Variants in TJAP1 observed in about 807,000 individuals in gnomAD.
TJAP1 encodes the protein tight junction associated protein 1.
Under a neutral mutation model 42.0 loss-of-function variants are expected in TJAP1, and 27 were observed. The ratio of observed to expected loss-of-function variants is 0.64; its 90% CI spans 0.47 to 0.89. TJAP1 has a LOEUF of 0.89. TJAP1 is among the 40% of genes least tolerant of loss of function. The pLI is 0.00. For missense variants in TJAP1, 712 were observed against 726.9 expected (o/e 0.98, Z 0.24); for synonymous variants, 257 against 288.4 (o/e 0.89, Z 1.10).
chr6:43,489,956 G>A (rs1240105576), intron 2 of TJAP1, among the ~76,000 whole-genome samples: 3 of 152,212 alleles, frequency 2.0e-5, no homozygotes, highest in South Asian at 2.1e-4. Context: ...TGCCTGGAGG[G>A]CATCTGCCAT....
chr6:43,478,955 C>A lies in TJAP1; in HGVS notation c.-122+723C>A, dbSNP rs550271276. On this transcript the variant is annotated intron_variant, in intron 2 of 10. Coordinates refer to ENST00000372449, the Ensembl canonical transcript of TJAP1. The stretch of plus-strand genomic sequence containing the variant: ...AAGTGTGGTGATGCAAAGAAAGGAT[C>A]ATGGAACTTGCTCTTTTCTTTTCTG... 1.6e-3 allele frequency among the ~76,000 whole-genome samples: 238 copies of A among 152,336 alleles called. 1 individual carries two copies. The South Asian group carries it at 0.023, about 15-fold the overall frequency.
At position 43,505,768 on chromosome 6, in the gene TJAP1, G is replaced by T; in HGVS notation, c.1587G>T (p.Gln529His). The change falls in exon 11 of 11, where the codon CAG (glutamine) becomes CAT (histidine). Residue 529 changes from glutamine to histidine, a missense_variant. Coordinates refer to ENST00000372449, the Ensembl canonical transcript of TJAP1. The surrounding 1 kb of genome is among the most constrained non-coding windows in gnomAD (Gnocchi z 5.5). ...CACTCCCCAGCTCCAGTCGCCCCCAGCGCAGCCCCAAGAGGATGGGGGTTC... is the reference window on the plus strand; with the variant it reads ...CACTCCCCAGCTCCAGTCGCCCCCATCGCAGCCCCAAGAGGATGGGGGTTC... The T allele has an allele frequency of 6.6e-7, 1 of 1,516,196 alleles. No homozygotes were observed. Among genetic ancestry groups the T allele is most frequent in the South Asian group, 1.3e-5 (1 of 75,544 alleles). 93.9% of individuals were successfully genotyped at this position (1,516,196 alleles called of 1,614,324 possible). A position where few individuals can be genotyped will look rare whatever the true frequency, so the allele number is the denominator to read the frequency against.
Position 43,502,629 on chromosome 6 carries a change from G to A in TJAP1, c.387+12G>A. ...GCTGGATTTTTGCAGTTGCGTCTGA[G>A]TTTGTGTGTCTTCTCCCTTGCCCTG... On this transcript the variant is annotated intron_variant, in intron 8 of 10. Transcript: ENST00000372449. 1 of 1,551,788 alleles carries A rather than the reference G, an allele frequency of 6.4e-7. No individual in the cohort carries two copies. The highest frequency in any genetic ancestry group is 1.7e-4 in the Middle Eastern group (1 of 5,992).
At chr6:43,504,304 A>G (rs1046138691) in intron 10 of TJAP1, 7 of 226,824 alleles carry the variant, frequency 3.1e-5, no homozygotes, top group Non-Finnish European at 5.3e-5. Flanking sequence ...TTTAGTAGAG[A>G]TGGGGTTTCA....
At position 43,505,704 on chromosome 6, in the gene TJAP1, AG is replaced by A. The variant is rs770285597; in HGVS notation, c.1527del (p.Pro510GlnfsTer37). On this transcript the variant is annotated frameshift_variant, in exon 11 of 11. Coordinates refer to ENST00000372449, the Ensembl canonical transcript of TJAP1. LOFTEE classifies it high-confidence loss of function. This position sits in a 1 kb window ranked among gnomAD's most constrained non-coding sequence, Gnocchi z 5.5. ...CTGCCCATTAACAGGGGCACAGAGGAGGGGCCAGGCACTTCCCACACCGAGG... is the reference window on the plus strand; with the variant it reads ...CTGCCCATTAACAGGGGCACAGAGGAGGGCCAGGCACTTCCCACACCGAGG... The A allele has an allele frequency of 1.3e-6, 2 of 1,593,822 alleles. No individual in the cohort carries two copies. Among genetic ancestry groups the A allele is most frequent in the South Asian group, 2.2e-5 (2 of 88,978 alleles).
intron 8 of TJAP1, chr6:43,502,974 C>T: frequency 4.2e-6 from 2 of 475,654 alleles, no homozygotes; most frequent in East Asian, 8.2e-5. Flanking sequence ...TTGCTCCCTG[C>T]TCAACAAGGT....
At chr6:43,502,770 C>T in intron 8 of TJAP1, 153 bp downstream of exon 8, 5 of 868,896 alleles carry the variant, frequency 5.8e-6, no homozygotes, top group Non-Finnish European at 7.5e-6. Context: ...TCAATGCCTC[C>T]CTCCCAGGAG....
intron 2 of TJAP1, among the ~76,000 whole-genome samples, chr6:43,487,196 A>T (rs1002999552): frequency 1.3e-5 from 2 of 152,074 alleles, no homozygotes; most frequent in African/African-American, 4.8e-5. Flanking sequence ...TCTTTGTGAG[A>T]AGCTTCTGTG....
At chr6:43,494,890 G>C (rs547374684) in intron 2 of TJAP1, among the ~76,000 whole-genome samples, 68 of 152,282 alleles carry the variant, frequency 4.5e-4, no homozygotes, top group African/African-American at 1.5e-3. Flanking sequence ...TTGATTTCCT[G>C]ATCTTCCTCC....
intron 10 of TJAP1, 145 bp from the exon 11 acceptor site, chr6:43,504,616 C>G: frequency 9.5e-7 from 1 of 1,050,004 alleles, no homozygotes. Flanking sequence ...TGAGGGTATA[C>G]ACACTGGCAT....
At chr6:43,503,799 C>T (rs2127648769) in intron 10 of TJAP1, 93 bp downstream of exon 10, 2 of 1,145,740 alleles carry the variant, frequency 1.7e-6, no homozygotes, top group East Asian at 4.8e-5. Flanking sequence ...TCTCTGTCCT[C>T]CTCTTCCCAC....
chr6:43,492,502 T>C lies in TJAP1; in HGVS notation c.-121-5379T>C, dbSNP rs570045220. ...CTGCCTGCCTGCCACGCGCCCGGGA[T>C]TGCTGAAGGCTTTACTCATGTATCT... On this transcript the variant is annotated intron_variant, in intron 2 of 10. Coordinates refer to ENST00000372449, the Ensembl canonical transcript of TJAP1. This position sits in a 1 kb window ranked among gnomAD's most constrained non-coding sequence, Gnocchi z 4.2. Among the ~76,000 whole-genome samples, 1 of 152,310 alleles carries C rather than the reference T, an allele frequency of 6.6e-6. No individual in the cohort carries two copies. Among genetic ancestry groups the C allele is most frequent in the South Asian group, 2.1e-4 (1 of 4,824 alleles).
intron 5 of TJAP1, chr6:43,501,126 G>T: frequency 2.6e-6 from 1 of 384,016 alleles, no homozygotes; most frequent in Non-Finnish European, 4.7e-6. Flanking sequence ...TGCTGGGCTG[G>T]ATTTCCAAGA....
At chr6:43,502,201 A>G in intron 6 of TJAP1, 82 bp from the exon 7 acceptor site, 2 of 1,391,108 alleles carry the variant, frequency 1.4e-6, no homozygotes, top group Non-Finnish European at 2.0e-6. Flanking sequence ...GACATGTTCA[A>G]GATCCCCTAT....
Position 43,503,724 on chromosome 6 carries a change from C to G in TJAP1, c.579+18C>G. ...TTGCCGATGTGAGTAGAACTCACCC[C>G]CTCCCTGCCCACATAGACCATTCCG... On this transcript the variant is annotated intron_variant, in intron 10 of 10. Coordinates refer to ENST00000372449, the Ensembl canonical transcript of TJAP1. The G allele has an allele frequency of 1.9e-6, 3 of 1,610,508 alleles. No individual in the cohort carries two copies. The highest frequency in any genetic ancestry group is 2.5e-6 in the Non-Finnish European group (3 of 1,176,708).
chr6:43,491,062 C>T lies in TJAP1; in HGVS notation c.-121-6819C>T, dbSNP rs1178007865. ...TGCTAGGGAGGCTGGACAGGGGGAG[C>T]TTGAGAACAGAAGGCTGCCTAAGTG... On this transcript the variant is annotated intron_variant, in intron 2 of 10. Transcript: ENST00000372449. This position sits in a 1 kb window ranked among gnomAD's most constrained non-coding sequence, Gnocchi z 4.6. Among the ~76,000 whole-genome samples, 1 of 152,174 alleles carries T rather than the reference C, an allele frequency of 6.6e-6. No homozygotes were observed. The highest frequency in any genetic ancestry group is 1.5e-5 in the Non-Finnish European group (1 of 68,038).
intron 2 of TJAP1, chr6:43,497,359 G>A (rs1199293249): frequency 6.6e-6 from 1 of 152,240 alleles, no homozygotes; most frequent in Non-Finnish European, 1.5e-5. Context: ...TCTTCTCCTA[G>A]CCCTATGCCT....
rs148362940 is a variant in TJAP1 at position 43,501,571 on chromosome 6, C to A, written c.174C>A (p.Ser58=). The change falls in exon 6 of 11, where the codon TCC becomes TCA. Residue 58 remains serine, a synonymous_variant. Transcript: ENST00000372449. ...AAGAGCTTCGCCGGCGCCTGGCCTC[C>A]GCCACCAGACGCACTGAGGCCCTGG... The A allele has an allele frequency of 1.9e-6, 3 of 1,614,010 alleles. No homozygotes were observed. In the East Asian group the frequency reaches 6.7e-5, roughly 36 times the overall value.
intron 6 of TJAP1, among the ~76,000 whole-genome samples, chr6:43,502,076 A>ACACACACACACACACTCTCT (rs767085594): frequency 7.3e-5 from 5 of 68,930 alleles, no homozygotes; most frequent in African/African-American, 3.8e-4. Flanking sequence ...ACACACACAC[A>ACACACACACACACACTCTCT]CTCTCTCTCT....
Sources: allele counts gnomAD v4.1 joint callset (sites outside exome capture counted in the v4.1 genomes callset), GRCh38; gene constraint gnomAD v4.1.1; non-coding constraint Gnocchi (gnomAD v3.1); transcripts MANE v1.5; gene names NCBI Gene and HGNC (gene_info 2026-07-23, HGNC 2026-07-21).